Variants in SEMA4D observed in about 807,000 individuals in gnomAD.
SEMA4D encodes the protein semaphorin 4D, also known as semaphorin-4D.
A neutral mutation model predicts 74.8 loss-of-function variants in SEMA4D; 22 were observed. The ratio of observed to expected loss-of-function variants is 0.29; its 90% CI spans 0.21 to 0.42. The LOEUF is 0.42. Ranked by LOEUF, SEMA4D falls within the 10% of genes least tolerant of loss-of-function variation. The pLI, the probability that SEMA4D is intolerant of heterozygous loss-of-function variation, is 1.00. For synonymous variants in SEMA4D, 445 were observed against 463.7 expected (o/e 0.96, Z 0.52); for missense variants, 937 against 1,118.4 (o/e 0.84, Z 2.31).
chr9:89,384,804 G>A (rs1210179692), intron 13 of SEMA4D: 10 of 985,252 alleles, frequency 1.0e-5, no homozygotes, highest in African/African-American at 3.5e-5. Context: ...AGCCTGATGG[G>A]GTCAGGCGGC....
chr9:89,378,715 C>T lies in SEMA4D; in HGVS notation c.2578G>A (p.Asp860Asn), dbSNP rs752004168. Residue 860 changes from aspartate (D) to asparagine (N), a missense_variant, in exon 16 of 16, where the codon GAT becomes AAT. Physicochemically the swap from Asp to Asn is conservative, Grantham distance 23. Transcript: ENST00000422704. ...CELKFADSDA[D>N]GD ...ATGCACAGCCGGCCTCAGTCTCCAT[C>T]TGCGTCTGAGTCAGCGAACTTCAGC... 1.2e-6 allele frequency: 2 copies of T among 1,613,310 alleles called. No individual in the cohort carries two copies. Among genetic ancestry groups the T allele is most frequent in the South Asian group, 2.2e-5 (2 of 91,054 alleles).
At chr9:89,482,411 A>C (rs1824792388) in intron 1 of SEMA4D, among the ~76,000 whole-genome samples, 1 of 152,244 alleles carries the variant, frequency 6.6e-6, no homozygotes, top group Non-Finnish European at 1.5e-5. Context: ...CACAGGCATC[A>C]GCAACAGCTC....
At chr9:89,474,321 T>A (rs761726512) in intron 1 of SEMA4D, among the ~76,000 whole-genome samples, 3 of 152,270 alleles carry the variant, frequency 2.0e-5, no homozygotes, top group Non-Finnish European at 2.9e-5. Context: ...ACCCTGTGTT[T>A]GTGCTTGAGT....
At chr9:89,399,053 C>T (rs1405700854) in intron 5 of SEMA4D, among the ~76,000 whole-genome samples, 1 of 152,214 alleles carries the variant, frequency 6.6e-6, no homozygotes, top group Non-Finnish European at 1.5e-5. Flanking sequence ...AAGTATTTCT[C>T]AAAGGCCAAA....
chr9:89,411,024 C>T (rs1844417440), intron 2 of SEMA4D, among the ~76,000 whole-genome samples: 1 of 152,178 alleles, frequency 6.6e-6, no homozygotes, highest in Admixed American at 6.5e-5. Context: ...GGATTTGCTC[C>T]ACCAAAACAA....
chr9:89,407,511 T>C (rs1167577772), intron 2 of SEMA4D, among the ~76,000 whole-genome samples: 1 of 152,244 alleles, frequency 6.6e-6, no homozygotes, highest in Non-Finnish European at 1.5e-5. Flanking sequence ...TTGCAGATTT[T>C]TGTTACCAAC....
chr9:89,375,136 C>T (rs374691103), downstream of SEMA4D, among the ~76,000 whole-genome samples: 12 of 152,216 alleles, frequency 7.9e-5, no homozygotes, highest in African/African-American at 2.2e-4. Context: ...CCTGGGTCCA[C>T]GGCCAGTTCA....
chr9:89,482,508 T>C (rs1298473355), intron 1 of SEMA4D, among the ~76,000 whole-genome samples: 1 of 151,974 alleles, frequency 6.6e-6, no homozygotes, highest in East Asian at 1.9e-4. Context: ...GTAGCAAATG[T>C]CTCCTGTGCA....
At chr9:89,467,253 G>A (rs1858964609) in intron 1 of SEMA4D, among the ~76,000 whole-genome samples, 1 of 152,036 alleles carries the variant, frequency 6.6e-6, no homozygotes. Flanking sequence ...CAGCTTCCCG[G>A]CTCCTTACAC....
intron 2 of SEMA4D, chr9:89,449,792 C>A: frequency 2.0e-6 from 3 of 1,503,048 alleles, no homozygotes; most frequent in Non-Finnish European, 2.8e-6. Context: ...CTTTTCCCAC[C>A]AGCATTTTGG....
intron 2 of SEMA4D, among the ~76,000 whole-genome samples, chr9:89,453,282 G>A (rs937491445): frequency 3.9e-5 from 6 of 152,158 alleles, no homozygotes; most frequent in African/African-American, 7.2e-5. Flanking sequence ...AAATGCAGGC[G>A]GTATCAAAAC....
intron 1 of SEMA4D, among the ~76,000 whole-genome samples, chr9:89,495,707 G>A (rs1222883566): frequency 6.6e-6 from 1 of 152,118 alleles, no homozygotes; most frequent in Non-Finnish European, 1.5e-5. Flanking sequence ...TTTTCACGTG[G>A]CAAGTTTCAT....
Position 89,387,446 on chromosome 9 carries a change from C to G in SEMA4D, c.1270G>C (p.Val424Leu). ...TCCAGGGCCTGGGTCCGGTCCACCA[C>G]GATCTGGGTGTAGTTCACATCTTTC... ...IKKDVNYTQI[V>L]VDRTQALDGT... is the part of the protein sequence containing the mutation. The change falls in exon 12 of 16, where the codon GTG (valine) becomes CTG (leucine). Residue 424 changes from valine (V) to leucine (L), a missense_variant. Transcript: ENST00000422704. 3 of 1,614,220 alleles carry G rather than the reference C, an allele frequency of 1.9e-6. No homozygotes were observed. The highest frequency in any genetic ancestry group is 1.1e-5 in the South Asian group (1 of 91,078).
At chr9:89,418,001 C>T in intron 2 of SEMA4D, 2 of 775,670 alleles carry the variant, frequency 2.6e-6, no homozygotes, top group Non-Finnish European at 1.6e-6. Flanking sequence ...GAGGCCTCTA[C>T]ACATTATCAA....
At chr9:89,439,138 C>T (rs1299644007) in intron 2 of SEMA4D, among the ~76,000 whole-genome samples, 8 of 151,908 alleles carry the variant, frequency 5.3e-5, no homozygotes, top group South Asian at 2.1e-4. Context: ...CCCACCACTA[C>T]GCCCGGCTAA....
At chr9:89,410,598 A>T (rs1438877242) in intron 2 of SEMA4D, among the ~76,000 whole-genome samples, 2 of 152,246 alleles carry the variant, frequency 1.3e-5, no homozygotes, top group African/African-American at 2.4e-5. Flanking sequence ...AGACAACTGG[A>T]CGATCCATTC....
chr9:89,443,238 C>T (rs1256007082), intron 2 of SEMA4D, among the ~76,000 whole-genome samples: 1 of 152,178 alleles, frequency 6.6e-6, no homozygotes, highest in African/African-American at 2.4e-5. Context: ...GAGGCCGGGT[C>T]GCGAGGTGCT....
At chr9:89,489,688 T>C (rs1469065082) in intron 1 of SEMA4D, among the ~76,000 whole-genome samples, 4 of 152,240 alleles carry the variant, frequency 2.6e-5, no homozygotes, top group African/African-American at 9.7e-5. Context: ...AGCGCTTCAC[T>C]CCTTTTTATG....
At chr9:89,386,649 G>GGCAAA in intron 12 of SEMA4D, 167 bp from the exon 13 acceptor site, 5 of 563,820 alleles carry the variant, frequency 8.9e-6, no homozygotes, top group Non-Finnish European at 1.6e-5. Context: ...AAAAGGCTTT[G>GGCAAA]GCAAAACAGA....
Sources: allele counts gnomAD v4.1 joint callset (sites outside exome capture counted in the v4.1 genomes callset), GRCh38; gene constraint gnomAD v4.1.1; transcripts MANE v1.5; gene names NCBI Gene and HGNC (gene_info 2026-07-23, HGNC 2026-07-21).